NEURL1B: variants seen among roughly 807,000 people sequenced by gnomAD.
NEURL1B encodes the protein E3 ubiquitin-protein ligase NEURL1B.
Under a neutral mutation model 37.4 loss-of-function variants are expected in NEURL1B, and 13 were observed. The ratio of observed to expected loss-of-function variants is 0.35; its 90% CI spans 0.23 to 0.55. The LOEUF is 0.55. Among genes scored for constraint, NEURL1B ranks in the 20% least tolerant of loss-of-function variants. The pLI is 0.89. For synonymous variants in NEURL1B, 432 were observed against 426.6 expected (o/e 1.01, Z -0.16); for missense variants, 790 against 879.2 (o/e 0.90, Z 1.28).
At chr5:172,646,192 C>T (rs1036428698) in intron 1 of NEURL1B, among the ~76,000 whole-genome samples, 1 of 152,162 alleles carries the variant, frequency 6.6e-6, no homozygotes, top group Non-Finnish European at 1.5e-5. Context: ...GTCAAGCTGC[C>T]TGGGTTCAAA....
intron 2 of NEURL1B, among the ~76,000 whole-genome samples, chr5:172,681,281 A>AC (rs1758345809): frequency 6.6e-6 from 1 of 152,262 alleles, no homozygotes; most frequent in African/African-American, 2.4e-5. Flanking sequence ...GATAATACAG[A>AC]AAAATCTAAA....
At chr5:172,666,250 C>A (rs56139127) in intron 1 of NEURL1B, among the ~76,000 whole-genome samples, 15,825 of 152,158 alleles carry the variant, frequency 0.1, 930 homozygotes, top group East Asian at 0.27. Context: ...TCCCTGGTTT[C>A]ATCTCTGCCC....
chr5:172,642,617 G>A (rs1171361794), intron 1 of NEURL1B, among the ~76,000 whole-genome samples: 1 of 152,208 alleles, frequency 6.6e-6, no homozygotes, highest in African/African-American at 2.4e-5. Flanking sequence ...TTCCCCTGGA[G>A]CGGGTTGAAG....
Position 172,661,684 on chromosome 5 carries a change from G to A in NEURL1B, c.32-8101G>A, listed in dbSNP as rs1757904627. Among the ~76,000 whole-genome samples, 1 of 152,240 alleles carries A rather than the reference G, an allele frequency of 6.6e-6. No individual in the cohort carries two copies. The highest frequency in any genetic ancestry group is 2.1e-4 in the South Asian group (1 of 4,838). ...TGGCAATTCCCTTTCCTGGTGGAGAGGAATCTGCTGAAAACCTCAGCCAGC... is the reference window on the plus strand; with the variant it reads ...TGGCAATTCCCTTTCCTGGTGGAGAAGAATCTGCTGAAAACCTCAGCCAGC... On this transcript the variant is annotated intron_variant, in intron 1 of 4. Transcript: ENST00000369800. The surrounding 1 kb of genome is among the most constrained non-coding windows in gnomAD (Gnocchi z 4.0).
chr5:172,680,173 T>C (rs1758320940), intron 2 of NEURL1B, among the ~76,000 whole-genome samples: 1 of 152,228 alleles, frequency 6.6e-6, no homozygotes, highest in African/African-American at 2.4e-5. Context: ...TCTGTATTAC[T>C]CTTCATGACA....
At chr5:172,663,068 G>T (rs1757934022) in intron 1 of NEURL1B, among the ~76,000 whole-genome samples, 1 of 92,488 alleles carries the variant, frequency 1.1e-5, no homozygotes, top group Admixed American at 1.0e-4. Flanking sequence ...AATAATAATA[G>T]CCGGGTGTGG....
intron 1 of NEURL1B, among the ~76,000 whole-genome samples, chr5:172,649,321 G>A (rs115830045): frequency 3.7e-4 from 54 of 144,132 alleles, no homozygotes; most frequent in East Asian, 1.9e-3. Context: ...CCCATCTGCC[G>A]AACTCCTGCA....
At position 172,675,341 on chromosome 5, in the gene NEURL1B, T is replaced by C. The variant is rs1218447223; in HGVS notation, c.577+5011T>C. Among the ~76,000 whole-genome samples, 5 of 152,164 alleles carry C rather than the reference T, an allele frequency of 3.3e-5. No homozygotes were observed. The highest frequency in any genetic ancestry group is 7.2e-5 in the African/African-American group (3 of 41,438). On this transcript the variant is annotated intron_variant, in intron 2 of 4. Transcript: ENST00000369800. This position sits in a 1 kb window ranked among gnomAD's most constrained non-coding sequence, Gnocchi z 4.7. The stretch of plus-strand genomic sequence containing the variant: ...CTTTCTCCCTCGTGGCTCCTGCCCA[T>C]TGATGGACACCTGGATTACGACCAA...
rs1451375074 is a variant in NEURL1B at position 172,684,260 on chromosome 5, C to T, written c.1297+122C>T. 5.6e-6 allele frequency: 5 copies of T among 899,852 alleles called. No homozygotes were observed. The African/African-American group carries it at 7.1e-5, about 13-fold the overall frequency. The allele number at this position is 899,852 out of a possible 1,614,324, so 55.7% of individuals were successfully genotyped here. On this transcript the variant is annotated intron_variant, in intron 3 of 4. Coordinates refer to ENST00000369800, the MANE Select transcript of NEURL1B (RefSeq NM_001142651.3). ...AGGCGCTGCACCGCCCGAGGCCAGC[C>T]CGCGGTTCCCAACTTTAAGCGCCCG...
At position 172,676,103 on chromosome 5, in the gene NEURL1B, C is replaced by G. The variant is rs1758228011; in HGVS notation, c.577+5773C>G. Among the ~76,000 whole-genome samples, 1 of 148,662 alleles carries G rather than the reference C, an allele frequency of 6.7e-6. No homozygotes were observed. Among genetic ancestry groups the G allele is most frequent in the South Asian group, 2.1e-4 (1 of 4,734 alleles). ...GTCATGGCATAGCAGACCATATTGT[C>G]AGAAATCTTTGGTTGCAAGGGACAG... On this transcript the variant is annotated intron_variant, in intron 2 of 4. Coordinates refer to ENST00000369800, the MANE Select transcript of NEURL1B (RefSeq NM_001142651.3). The surrounding 1 kb of genome is among the most constrained non-coding windows in gnomAD (Gnocchi z 4.5).
chr5:172,683,476 C>A lies in NEURL1B; in HGVS notation c.635C>A (p.Ala212Asp), dbSNP rs1203877595. ...PARLSQARFS[A>D]CLPPSSHDAA... ...CGCCTCAGCCAGGCCCGCTTCAGCG[C>A]CTGCCTGCCGCCCAGCAGCCACGAC... is the stretch of plus-strand genomic sequence containing the variant. Residue 212 changes from alanine to aspartate, a missense_variant, in exon 3 of 5, where the codon GCC (alanine) becomes GAC (aspartate). This residue lies in a region of NEURL1B where 460 missense variants were observed against 407.4 expected (regional missense o/e 1.13). Coordinates refer to ENST00000369800, the MANE Select transcript of NEURL1B (RefSeq NM_001142651.3). This position sits in a 1 kb window ranked among gnomAD's most constrained non-coding sequence, Gnocchi z 5.6. 1.3e-6 allele frequency: 2 copies of A among 1,489,546 alleles called. No individual in the cohort carries two copies. The highest frequency in any genetic ancestry group is 1.8e-6 in the Non-Finnish European group (2 of 1,123,660). The allele number at this position is 1,489,546 out of a possible 1,614,324, so 92.3% of individuals were successfully genotyped here.
intron 1 of NEURL1B, among the ~76,000 whole-genome samples, chr5:172,669,104 G>T (rs1758070738): frequency 6.6e-6 from 1 of 152,084 alleles, no homozygotes; most frequent in Non-Finnish European, 1.5e-5. Flanking sequence ...ACATACACAC[G>T]CTGTGCCAGG....
Position 172,683,699 on chromosome 5 carries a change from C to G in NEURL1B, c.858C>G (p.Arg286=). The G allele has an allele frequency of 7.4e-7, 1 of 1,351,938 alleles. No homozygotes were observed. Among genetic ancestry groups the G allele is most frequent in the Non-Finnish European group, 9.6e-7 (1 of 1,044,310 alleles). 83.7% of individuals were successfully genotyped at this position (1,351,938 alleles called of 1,614,324 possible). Residue 286 remains arginine (R), a synonymous_variant, in exon 3 of 5, where the codon CGC becomes CGG. Coordinates refer to ENST00000369800, the MANE Select transcript of NEURL1B (RefSeq NM_001142651.3). This position sits in a 1 kb window ranked among gnomAD's most constrained non-coding sequence, Gnocchi z 5.6. ...LEADLRFHAT[R]GPDVSLSADR... The stretch of plus-strand genomic sequence containing the variant: ...CCGACCTGCGCTTCCACGCAACACG[C>G]GGGCCCGACGTGAGCCTGTCGGCCG...
At chr5:172,685,158 C>T (rs1758467742) in intron 3 of NEURL1B, among the ~76,000 whole-genome samples, 1 of 152,154 alleles carries the variant, frequency 6.6e-6, no homozygotes. Context: ...GTGATACCTG[C>T]TTCATGGGGT....
At chr5:172,673,213 T>G (rs1758164519) in intron 2 of NEURL1B, among the ~76,000 whole-genome samples, 1 of 152,170 alleles carries the variant, frequency 6.6e-6, no homozygotes, top group Admixed American at 6.5e-5. Flanking sequence ...CCCTGCTGTT[T>G]CCAGGACAGG....
In NEURL1B at chr5:172,644,788, G is replaced by A. The variant is rs79111489; in HGVS notation, c.31+3351G>A. Among the ~76,000 whole-genome samples, 43 of 152,268 alleles carry A rather than the reference G, an allele frequency of 2.8e-4. No homozygotes were observed. The East Asian group carries it at 8.1e-3, about 29-fold the overall frequency. On this transcript the variant is annotated intron_variant, in intron 1 of 4. Transcript: ENST00000369800. ...TCATACCATGTAGTCCTTCTCTCTC[G>A]AGTCCGTTAGCCTTCATCTGGGTAT...
chr5:172,647,309 C>T lies in NEURL1B; in HGVS notation c.31+5872C>T, dbSNP rs1031429583. 6.6e-6 allele frequency among the ~76,000 whole-genome samples: 1 copy of T among 152,144 alleles called. No homozygotes were observed. The highest frequency in any genetic ancestry group is 6.5e-5 in the Admixed American group (1 of 15,282). ...GCACACGCTCACCTGGGCAGTGTCGCGGGGTGGTCCGAGCTTCTGCACACC... is the reference window on the plus strand; with the variant it reads ...GCACACGCTCACCTGGGCAGTGTCGTGGGGTGGTCCGAGCTTCTGCACACC... On this transcript the variant is annotated intron_variant, in intron 1 of 4. Transcript: ENST00000369800. The surrounding 1 kb of genome is among the most constrained non-coding windows in gnomAD (Gnocchi z 4.2).
rs139332677 is a variant in NEURL1B at position 172,657,615 on chromosome 5, G to T, written c.32-12170G>T. Among the ~76,000 whole-genome samples the T allele has an allele frequency of 6.6e-6, 1 of 152,166 alleles. No individual in the cohort carries two copies. Among genetic ancestry groups the T allele is most frequent in the Non-Finnish European group, 1.5e-5 (1 of 68,024 alleles). ...AAGAGGTGAGTCTTCTGTCACGCCC[G>T]CATAAGGGTTGCTTGAGGGCTCCTT... On this transcript the variant is annotated intron_variant, in intron 1 of 4. Coordinates refer to ENST00000369800, the MANE Select transcript of NEURL1B (RefSeq NM_001142651.3). The surrounding 1 kb of genome is among the most constrained non-coding windows in gnomAD (Gnocchi z 4.0).
rs1411893762 is a variant in NEURL1B at position 172,689,935 on chromosome 5, C to G, written c.*3010C>G. The G allele has an allele frequency of 6.6e-6, 1 of 152,276 alleles. No individual in the cohort carries two copies. Among genetic ancestry groups the G allele is most frequent in the Admixed American group, 6.5e-5 (1 of 15,288 alleles). The allele number at this position is 152,276 out of a possible 1,614,324, so 9.4% of individuals were successfully genotyped here. On this transcript the variant is annotated 3_prime_UTR_variant, in exon 5 of 5. Coordinates refer to ENST00000369800, the MANE Select transcript of NEURL1B (RefSeq NM_001142651.3). ...ATCTGGACTCCAACCCAAGGGCCCT[C>G]TCTTGTTATTCAGGGGTGTCCACAG...
Sources: gnomAD v4.1 joint callset for allele counts (sites outside exome capture counted in the v4.1 genomes callset) on GRCh38, gnomAD v4.1.1 for gene constraint, gnomAD v4.1.1 regional missense constraint, Gnocchi (gnomAD v3.1) non-coding constraint, MANE v1.5 for transcripts, NCBI Gene and HGNC (gene_info 2026-07-23, HGNC 2026-07-21) for gene names.